Variants in GABRG3 observed in about 807,000 individuals in gnomAD.
GABRG3 encodes the protein gamma-aminobutyric acid type A receptor subunit gamma3.
A neutral mutation model predicts 48.8 loss-of-function variants in GABRG3; 25 were observed. The observed-to-expected ratio is 0.51, with a 90% CI of 0.37 to 0.72. The LOEUF is 0.72. GABRG3 is among the 30% of genes least tolerant of loss of function. The probability of loss-of-function intolerance (pLI) is 0.00; values close to 1 mark genes in which losing one functional copy is unlikely to be tolerated. For missense variants in GABRG3, 394 were observed against 577.9 expected (o/e 0.68, Z 3.26); for synonymous variants, 227 against 217.6 (o/e 1.04, Z -0.38).
At chr15:27,410,536 T>C (rs546934013) in intron 5 of GABRG3, among the ~76,000 whole-genome samples, 7 of 152,314 alleles carry the variant, frequency 4.6e-5, no homozygotes, top group Non-Finnish European at 7.4e-5. Context: ...AAAAATTATA[T>C]ATTTAATTTG....
intron 3 of GABRG3, among the ~76,000 whole-genome samples, chr15:27,132,613 T>C (rs1897939786): frequency 6.6e-6 from 1 of 151,246 alleles, no homozygotes; most frequent in African/African-American, 2.4e-5. Flanking sequence ...TTTAGTATTT[T>C]CTTGTAATCC....
intron 2 of GABRG3, among the ~76,000 whole-genome samples, chr15:27,003,929 CG>C (rs1468394107): frequency 1.5e-5 from 2 of 130,048 alleles, no homozygotes; most frequent in East Asian, 4.9e-4. Context: ...TAGGGGCGGC[CG>C]GGCAGAGGCG....
chr15:27,247,531 A>G (rs1335567117), intron 3 of GABRG3, among the ~76,000 whole-genome samples: 1 of 152,170 alleles, frequency 6.6e-6, no homozygotes, highest in African/African-American at 2.4e-5. Flanking sequence ...TCTTCTCAAA[A>G]TTCTACCCCA....
At chr15:27,059,841 A>G (rs563552958) in intron 3 of GABRG3, among the ~76,000 whole-genome samples, 368 of 152,352 alleles carry the variant, frequency 2.4e-3, no homozygotes, top group Admixed American at 4.9e-3. Flanking sequence ...ACCAATCACC[A>G]GGGAGCTGGG....
chr15:27,129,971 A>G (rs1345926841), intron 3 of GABRG3, among the ~76,000 whole-genome samples: 1 of 152,140 alleles, frequency 6.6e-6, no homozygotes, highest in Non-Finnish European at 1.5e-5. Flanking sequence ...TCAGATATGT[A>G]ATAATATGTA....
rs556721119 is a variant in GABRG3 at position 27,287,719 on chromosome 15, C to T, written c.271-39090C>T. ...ACTCTTGGAATAATATCTATTCATT[C>T]AAGATGATTTGCTGTGTCTTTTTTT... On this transcript the variant is annotated intron_variant, in intron 3 of 9. Coordinates refer to ENST00000615808, the MANE Select transcript of GABRG3 (RefSeq NM_033223.5). Among the ~76,000 whole-genome samples, 6 of 146,552 alleles carry T rather than the reference C, an allele frequency of 4.1e-5. No homozygotes were observed. The South Asian group carries it at 6.5e-4, about 16-fold the overall frequency.
At chr15:27,092,434 G>A (rs1005204404) in intron 3 of GABRG3, among the ~76,000 whole-genome samples, 5 of 152,182 alleles carry the variant, frequency 3.3e-5, no homozygotes, top group Non-Finnish European at 7.3e-5. Flanking sequence ...CCCACTGTCT[G>A]AGACCTCACT....
intron 5 of GABRG3, among the ~76,000 whole-genome samples, chr15:27,380,175 A>C (rs992908125): frequency 1.4e-4 from 22 of 152,174 alleles, no homozygotes; most frequent in African/African-American, 5.1e-4. Context: ...TAATGAACCT[A>C]TCAAGGACAT....
chr15:27,423,265 A>AC (rs988706330), intron 5 of GABRG3, among the ~76,000 whole-genome samples: 1 of 142,056 alleles, frequency 7.0e-6, no homozygotes, highest in African/African-American at 2.7e-5. Context: ...AAAAAAAAAA[A>AC]CCTCTAGAGA....
intron 9 of GABRG3, chr15:27,530,802 C>A: frequency 2.2e-6 from 1 of 452,924 alleles, no homozygotes. Context: ...ATCCACATAG[C>A]AAGGGACTAC....
chr15:27,480,674 T>C lies in GABRG3; in HGVS notation c.599T>C (p.Ile200Thr). Residue 200 changes from isoleucine (I) to threonine (T), a missense_variant, in exon 6 of 10, where the codon ATT becomes ACT. Transcript: ENST00000615808. ...SSYGYPKEEM[I>T]YRWRKNSVEA... Reference sequence around the variant, plus strand: ...GATGGCTATCCCAAAGAAGAAATGATTTATAGATGGAGAAAAAATTCAGTG... The same window carrying C: ...GATGGCTATCCCAAAGAAGAAATGACTTATAGATGGAGAAAAAATTCAGTG... The C allele has an allele frequency of 6.2e-7, 1 of 1,611,246 alleles. No homozygotes were observed. Among genetic ancestry groups the C allele is most frequent in the Non-Finnish European group, 8.5e-7 (1 of 1,178,532 alleles).
intron 3 of GABRG3, among the ~76,000 whole-genome samples, chr15:27,094,342 C>G (rs1177106689): frequency 1.1e-4 from 17 of 152,184 alleles, no homozygotes; most frequent in Non-Finnish European, 2.5e-4. Context: ...CAGATGAGGA[C>G]TATCAGGCTC....
intron 5 of GABRG3, among the ~76,000 whole-genome samples, chr15:27,348,618 C>T (rs1894457229): frequency 6.6e-6 from 1 of 152,130 alleles, no homozygotes; most frequent in South Asian, 2.1e-4. Context: ...TGTACTTTGC[C>T]TCTTTCCAAT....
chr15:27,077,240 A>G (rs1896925226), intron 3 of GABRG3, among the ~76,000 whole-genome samples: 1 of 152,152 alleles, frequency 6.6e-6, no homozygotes, highest in South Asian at 2.1e-4. Context: ...ACTGTGTTGC[A>G]GCGCGTTTGT....
chr15:27,090,103 TGA>T (rs1259099131), intron 3 of GABRG3, among the ~76,000 whole-genome samples: 5 of 152,192 alleles, frequency 3.3e-5, no homozygotes, highest in East Asian at 1.9e-4. Flanking sequence ...TACAATGGAG[TGA>T]GAGCACTACA....
chr15:27,213,162 A>G (rs1340705115), intron 3 of GABRG3, among the ~76,000 whole-genome samples: 2 of 152,210 alleles, frequency 1.3e-5, no homozygotes, highest in Non-Finnish European at 2.9e-5. Flanking sequence ...GGAGGCATCT[A>G]AAACTCCTCA....
chr15:27,401,484 A>G (rs1202436773), intron 5 of GABRG3, among the ~76,000 whole-genome samples: 2 of 152,202 alleles, frequency 1.3e-5, no homozygotes, highest in Admixed American at 6.5e-5. Context: ...AACTTTTTCA[A>G]TGTAGATTCT....
At chr15:27,157,853 C>A (rs1264646605) in intron 3 of GABRG3, 1 of 152,202 alleles carries the variant, frequency 6.6e-6, no homozygotes, top group East Asian at 1.9e-4. Flanking sequence ...CCCAAATGTC[C>A]TGTTCATGGA....
intron 5 of GABRG3, chr15:27,362,833 G>A (rs534024423): frequency 2.0e-5 from 3 of 152,256 alleles, no homozygotes; most frequent in South Asian, 4.2e-4. Context: ...CTTCAAGGGA[G>A]CATCTCTCCA....
Sources: allele counts gnomAD v4.1 joint callset (sites outside exome capture counted in the v4.1 genomes callset), GRCh38; gene constraint gnomAD v4.1.1; transcripts MANE v1.5; gene names NCBI Gene and HGNC (gene_info 2026-07-23, HGNC 2026-07-21).